PDPR: variants seen among roughly 807,000 people sequenced by gnomAD.
PDPR encodes pyruvate dehydrogenase phosphatase regulatory subunit, mitochondrial.
Under a neutral mutation model 102.2 loss-of-function variants are expected in PDPR, and 50 were observed. That is an observed-to-expected ratio of 0.49 (90% CI 0.39 to 0.62). The LOEUF (loss-of-function observed/expected upper bound fraction) is 0.62, where lower values mean the gene tolerates loss of function less well. PDPR is among the 20% of genes least tolerant of loss of function. The pLI is 0.00. For missense variants in PDPR, 625 were observed against 1,098.2 expected (o/e 0.57, Z 6.09); for synonymous variants, 259 against 406.0 (o/e 0.64, Z 4.35).
chr16:70,142,745 C>G (rs1460670892), intron 13 of PDPR, 59 bp downstream of exon 13: 9 of 1,607,180 alleles, frequency 5.6e-6, no homozygotes, highest in Non-Finnish European at 6.0e-6. Flanking sequence ...TTATTGAATG[C>G]CTTTTGTTTT....
rs1456003549 is a variant in PDPR at position 70,158,652 on chromosome 16, T to C, written c.*1773T>C. The C allele has an allele frequency of 1.3e-5, 2 of 152,736 alleles. No individual in the cohort carries two copies. The highest frequency in any genetic ancestry group is 2.9e-5 in the Non-Finnish European group (2 of 68,438). The allele number at this position is 152,736 out of a possible 1,614,324, so 9.5% of individuals were successfully genotyped here. On this transcript the variant is annotated 3_prime_UTR_variant, in exon 19 of 19. Transcript: ENST00000288050. ...TAGTTGTCTTGGAGCAAGTATGTAC[T>C]TAACTAGCCGAGAGATGCTGCCTCT...
At chr16:70,146,533 C>T (rs1037308054) in intron 16 of PDPR, among the ~76,000 whole-genome samples, 1 of 124,504 alleles carries the variant, frequency 8.0e-6, no homozygotes, top group African/African-American at 3.2e-5. Flanking sequence ...GCACAGGAAT[C>T]GCTTGAACTC....
intron 18 of PDPR, among the ~76,000 whole-genome samples, chr16:70,156,016 A>C (rs1481817309): frequency 1.3e-5 from 2 of 152,122 alleles, no homozygotes; most frequent in Non-Finnish European, 2.9e-5. Flanking sequence ...CAGCCTCCCA[A>C]GTAGCTAGAA....
At chr16:70,134,290 A>G (rs2152086943) in intron 9 of PDPR, among the ~76,000 whole-genome samples, 2 of 152,050 alleles carry the variant, frequency 1.3e-5, no homozygotes, top group South Asian at 4.2e-4. Flanking sequence ...CAGTGGTGCG[A>G]TCTTAGCTCA....
intron 9 of PDPR, among the ~76,000 whole-genome samples, 182 bp downstream of exon 9, chr16:70,132,482 G>T (rs1275703814): frequency 1.3e-5 from 2 of 152,246 alleles, no homozygotes; most frequent in Non-Finnish European, 2.9e-5. Context: ...AGATTCAGGG[G>T]ACTAAAATCT....
intron 17 of PDPR, 33 bp downstream of exon 17, chr16:70,148,586 ACTTCCCTTCCCTTCCCTTCCCTTCC>A: frequency 6.9e-7 from 1 of 1,441,244 alleles, no homozygotes; most frequent in Non-Finnish European, 9.6e-7. Context: ...CCTTCCCTTC[ACTTCCCTTCCCTTCCCTTCCCTTCC>A]CTTCCCACAA....
downstream of PDPR, among the ~76,000 whole-genome samples, chr16:70,163,156 C>T (rs865958969): frequency 9.2e-5 from 14 of 152,396 alleles, no homozygotes; most frequent in South Asian, 2.1e-4. Context: ...CCAGGTTGGC[C>T]AGGCTGGTCT....
At chr16:70,129,958 T>TA in intron 6 of PDPR, among the ~76,000 whole-genome samples, 1 of 152,294 alleles carries the variant, frequency 6.6e-6, no homozygotes, top group African/African-American at 2.4e-5. Flanking sequence ...CCCATTTACA[T>TA]AGTCTCAGGA....
At position 70,156,944 on chromosome 16, in the gene PDPR, T is replaced by A; in HGVS notation, c.*65T>A. 6.4e-7 allele frequency: 1 copy of A among 1,565,158 alleles called. No individual in the cohort carries two copies. The highest frequency in any genetic ancestry group is 8.7e-7 in the Non-Finnish European group (1 of 1,149,916). ...CCTAGAGTGGGCGTCACCTTGGAGC[T>A]TCTCTTCCTTCCGCCTCTGTTCCTC... On this transcript the variant is annotated 3_prime_UTR_variant, in exon 19 of 19. Transcript: ENST00000288050.
chr16:70,149,158 G>A (rs1966494517), intron 17 of PDPR, among the ~76,000 whole-genome samples: 1 of 151,810 alleles, frequency 6.6e-6, no homozygotes, highest in African/African-American at 2.4e-5. Flanking sequence ...TCCTCCCAAA[G>A]TGCTGGGATT....
intron 17 of PDPR, among the ~76,000 whole-genome samples, chr16:70,149,105 A>G (rs2432303): frequency 0.86 from 129,313 of 150,958 alleles, 54,173 homozygotes; most frequent in East Asian, 0.96. Flanking sequence ...ATGTCGCTCA[A>G]GCTGGTCTCA....
At chr16:70,152,554 G>A (rs902838990) in intron 17 of PDPR, among the ~76,000 whole-genome samples, 3 of 152,390 alleles carry the variant, frequency 2.0e-5, no homozygotes, top group East Asian at 1.9e-4. Context: ...CTTGATCATA[G>A]TGGTCTGTTT....
rs1440773842 is a variant in PDPR, at chr16:70,159,912, T to A, written c.*3033T>A. 6.5e-6 allele frequency: 1 copy of A among 153,002 alleles called. No homozygotes were observed. Among genetic ancestry groups the A allele is most frequent in the Non-Finnish European group, 1.5e-5 (1 of 68,592 alleles). 9.5% of individuals were successfully genotyped at this position (153,002 alleles called of 1,614,324 possible). A position where few individuals can be genotyped will look rare whatever the true frequency, so the allele number is the denominator to read the frequency against. Reference sequence around the variant, plus strand: ...CAGCTCATTCTGGGCAGCACGTTTGTCTTCTGTCCCTAGAGATTTGAAGGA... The same window carrying A: ...CAGCTCATTCTGGGCAGCACGTTTGACTTCTGTCCCTAGAGATTTGAAGGA... On this transcript the variant is annotated 3_prime_UTR_variant, in exon 19 of 19. Transcript: ENST00000288050.
chr16:70,156,686 T>C lies in PDPR; in HGVS notation c.2447T>C (p.Phe816Ser). 1.2e-6 allele frequency: 2 copies of C among 1,614,100 alleles called. No individual in the cohort carries two copies. The highest frequency in any genetic ancestry group is 1.7e-6 in the Non-Finnish European group (2 of 1,179,914). ...CTGGAGCGCCACGTTTGCCTGGGCTTTGTGCACAATTTTTCTGAGGACACG... is the reference window on the plus strand; with the variant it reads ...CTGGAGCGCCACGTTTGCCTGGGCTCTGTGCACAATTTTTCTGAGGACACG... ...YSLERHVCLG[F>S]VHNFSEDTGE... The change falls in exon 19 of 19, where the codon TTT (phenylalanine) becomes TCT (serine). Residue 816 changes from phenylalanine (F) to serine (S), a missense_variant. Physicochemically the swap from Phe to Ser is radical, Grantham distance 155 (BLOSUM62 -2). Transcript: ENST00000288050.
chr16:70,157,156 G>T lies in PDPR; in HGVS notation c.*277G>T, dbSNP rs1392346109. On this transcript the variant is annotated 3_prime_UTR_variant, in exon 19 of 19. Coordinates refer to ENST00000288050, the MANE Select transcript of PDPR (RefSeq NM_017990.5). ...TGGTGGCAGGAGGTATGTCTGACAG[G>T]ACAGAAGCAAGCTCCACTGTGGACA... is the stretch of plus-strand genomic sequence containing the variant. 5 of 649,100 alleles carry T rather than the reference G, an allele frequency of 7.7e-6. No homozygotes were observed. The highest frequency in any genetic ancestry group is 1.4e-5 in the Non-Finnish European group (5 of 354,440). 40.2% of individuals were successfully genotyped at this position (649,100 alleles called of 1,614,324 possible).
In PDPR at chr16:70,143,676, C is replaced by T. The variant is rs1965964540; in HGVS notation, c.1754+18C>T. ...AAGCGCAGGTGAGATGAGCTGCCGT[C>T]CCGCTCTGCTCCCTCCAACATGTTG... On this transcript the variant is annotated intron_variant, in intron 14 of 18. Transcript: ENST00000288050. The T allele has an allele frequency of 6.2e-7, 1 of 1,612,158 alleles. No homozygotes were observed. Among genetic ancestry groups the T allele is most frequent in the Middle Eastern group, 1.7e-4 (1 of 6,050 alleles).
At chr16:70,153,638 G>A in intron 18 of PDPR, 65 bp downstream of exon 18, 1 of 1,466,474 alleles carries the variant, frequency 6.8e-7, no homozygotes, top group South Asian at 1.4e-5. Context: ...CACTAGACTA[G>A]GAAGAAGAAC....
At position 70,127,402 on chromosome 16, in the gene PDPR, G is replaced by A. The variant is rs374724693; in HGVS notation, c.361+9G>A. Reference sequence around the variant, plus strand: ...AACAGGGATCCAAACAGGTAAGCAAGTGTCTTCCATTTATTGCTTTGCCTG... The same window carrying A: ...AACAGGGATCCAAACAGGTAAGCAAATGTCTTCCATTTATTGCTTTGCCTG... On this transcript the variant is annotated intron_variant, in intron 4 of 18. Coordinates refer to ENST00000288050, the MANE Select transcript of PDPR (RefSeq NM_017990.5). 6.9e-6 allele frequency: 11 copies of A among 1,605,784 alleles called. No homozygotes were observed. The African/African-American group carries it at 1.3e-4, about 20-fold the overall frequency.
chr16:70,117,683 C>T (rs1476825341), intron 2 of PDPR, among the ~76,000 whole-genome samples: 1 of 152,170 alleles, frequency 6.6e-6, no homozygotes, highest in Non-Finnish European at 1.5e-5. Context: ...ACAGGTTGTT[C>T]AGTCTGGTTT....
Sources: gnomAD v4.1 joint callset for allele counts (sites outside exome capture counted in the v4.1 genomes callset) on GRCh38, gnomAD v4.1.1 for gene constraint, MANE v1.5 for transcripts, NCBI Gene and HGNC (gene_info 2026-07-23, HGNC 2026-07-21) for gene names.